LRP1B: variants seen among roughly 807,000 people sequenced by gnomAD.
LRP1B encodes the protein low-density lipoprotein receptor-related protein 1B.
Under a neutral mutation model 556.6 loss-of-function variants are expected in LRP1B, and 217 were observed. The ratio of observed to expected loss-of-function variants is 0.39; its 90% CI spans 0.35 to 0.44. The LOEUF (loss-of-function observed/expected upper bound fraction) is 0.44, where lower values mean the gene tolerates loss of function less well. Ranked by LOEUF, LRP1B falls within the 20% of genes least tolerant of loss-of-function variation. The pLI is 1.00. For synonymous variants in LRP1B, 2,047 were observed against 1,865.8 expected, an observed-to-expected ratio of 1.10 and a Z score of -2.50; for missense variants, 5,053 against 5,620.8, an observed-to-expected ratio of 0.90 and a Z score of 3.23.
chr2:141,319,299 G>GTTTTTTTTTTTTTTTTTT lies in LRP1B; in HGVS notation c.344-64659_344-64658insAAAAAAAAAAAAAAAAAA, dbSNP rs201761576. ...CATAATGTAGTCTCTAAAAAGCAGT[G>GTTTTTTTTTTTTTTTTTT]TTTTTTTGTTGTTTTTTTTTTTTTT... On this transcript the variant is annotated intron_variant, in intron 3 of 90. Transcript: ENST00000389484. Among the ~76,000 whole-genome samples, 40 of 80,460 alleles carry GTTTTTTTTTTTTTTTTTT rather than the reference G, an allele frequency of 5.0e-4. 8 individuals are homozygous for GTTTTTTTTTTTTTTTTTT. The highest frequency in any genetic ancestry group is 1.7e-3 in the African/African-American group (34 of 19,630). The allele number at this position is 80,460 out of a possible 152,430, so 52.8% of individuals were successfully genotyped here.
At chr2:140,655,381 C>G (rs1209408150) in intron 41 of LRP1B, among the ~76,000 whole-genome samples, 2 of 152,096 alleles carry the variant, frequency 1.3e-5, no homozygotes, top group African/African-American at 4.8e-5. Flanking sequence ...TTATAATTGT[C>G]ACAGATATAA....
intron 3 of LRP1B, among the ~76,000 whole-genome samples, chr2:141,343,598 C>A (rs996504966): frequency 6.6e-6 from 1 of 152,126 alleles, no homozygotes; most frequent in African/African-American, 2.4e-5. Context: ...AGAGCCAGAA[C>A]AGCATTTCAG....
intron 3 of LRP1B, among the ~76,000 whole-genome samples, chr2:141,454,210 G>A (rs74746018): frequency 0.012 from 1,793 of 152,234 alleles, 33 homozygotes; most frequent in African/African-American, 0.039. Flanking sequence ...CTATAATTTT[G>A]TACACCACTT....
chr2:141,013,399 T>A (rs1697811233), intron 14 of LRP1B, among the ~76,000 whole-genome samples, 157 bp downstream of exon 14: 1 of 152,030 alleles, frequency 6.6e-6, no homozygotes, highest in African/African-American at 2.4e-5. Flanking sequence ...AAAAGTAAAT[T>A]TCTATGATAA....
chr2:142,077,121 T>C (rs899969943), intron 1 of LRP1B, among the ~76,000 whole-genome samples: 2 of 152,120 alleles, frequency 1.3e-5, no homozygotes, highest in Non-Finnish European at 2.9e-5. Flanking sequence ...GTAACAATAA[T>C]GATAATAATA....
intron 7 of LRP1B, among the ~76,000 whole-genome samples, chr2:141,125,915 T>TGTGATTA (rs1553463761): frequency 6.7e-6 from 1 of 150,028 alleles, no homozygotes; most frequent in Non-Finnish European, 1.5e-5. Flanking sequence ...AGCAAAATTC[T>TGTGATTA]GTGATTGTTA....
chr2:140,886,347 T>C lies in LRP1B; in HGVS notation c.3767-12A>G. 1 of 1,476,636 alleles carries C rather than the reference T, an allele frequency of 6.8e-7. No homozygotes were observed. The highest frequency in any genetic ancestry group is 1.3e-5 in the South Asian group (1 of 75,622). 91.5% of individuals were successfully genotyped at this position (1,476,636 alleles called of 1,614,324 possible). A position where few individuals can be genotyped will look rare whatever the true frequency, so the allele number is the denominator to read the frequency against. On this transcript the variant is annotated splice_polypyrimidine_tract_variant and intron_variant, in intron 23 of 90. Transcript: ENST00000389484. ...TGCTTCAAAAGGATCTGAAATTAAATTTATTTTTAATAGGCTTATGAAAAT... is the reference window on the plus strand; with the variant it reads ...TGCTTCAAAAGGATCTGAAATTAAACTTATTTTTAATAGGCTTATGAAAAT...
chr2:140,840,784 T>C (rs1241376449), intron 30 of LRP1B, 134 bp downstream of exon 30: 4 of 590,742 alleles, frequency 6.8e-6, no homozygotes, highest in Admixed American at 3.6e-5. Flanking sequence ...TTTTACAGTT[T>C]CCATATTTAC....
chr2:141,256,437 C>G (rs953518176), intron 3 of LRP1B, among the ~76,000 whole-genome samples: 1 of 151,604 alleles, frequency 6.6e-6, no homozygotes, highest in East Asian at 1.9e-4. Flanking sequence ...AATTAATTCA[C>G]GGATTAAGTA....
chr2:141,923,080 CAG>C (rs1700232019), intron 1 of LRP1B, among the ~76,000 whole-genome samples: 1 of 151,922 alleles, frequency 6.6e-6, no homozygotes, highest in Non-Finnish European at 1.5e-5. Flanking sequence ...GCCTGGGTGA[CAG>C]AGTGAGACAC....
chr2:141,367,659 C>T (rs1196027396), intron 3 of LRP1B, among the ~76,000 whole-genome samples: 1 of 150,904 alleles, frequency 6.6e-6, no homozygotes, highest in Non-Finnish European at 1.5e-5. Context: ...ATTTTTTATA[C>T]TTTTAGTAGA....
At chr2:141,172,531 G>T (rs1453093133) in intron 7 of LRP1B, among the ~76,000 whole-genome samples, 1 of 151,922 alleles carries the variant, frequency 6.6e-6, no homozygotes, top group Non-Finnish European at 1.5e-5. Flanking sequence ...AAGAGAATTT[G>T]CTTTTAATCA....
chr2:140,871,070 A>G (rs1693113965), intron 25 of LRP1B, among the ~76,000 whole-genome samples: 1 of 152,176 alleles, frequency 6.6e-6, no homozygotes, highest in Admixed American at 6.6e-5. Flanking sequence ...ATAAATTAAA[A>G]CACTGACATT....
chr2:140,813,137 G>A (rs138341811), intron 32 of LRP1B, among the ~76,000 whole-genome samples: 1 of 151,904 alleles, frequency 6.6e-6, no homozygotes, highest in African/African-American at 2.4e-5. Flanking sequence ...TTCCCTAGAA[G>A]ATTGAATCAA....
chr2:141,130,616 T>G lies in LRP1B; in HGVS notation c.1013+57805A>C, dbSNP rs144072660. 3.8e-3 allele frequency among the ~76,000 whole-genome samples: 584 copies of G among 152,210 alleles called. 5 individuals are homozygous for G. Among genetic ancestry groups the G allele is most frequent in the African/African-American group, 0.013 (528 of 41,540 alleles). On this transcript the variant is annotated intron_variant, in intron 7 of 90. Transcript: ENST00000389484. Reference sequence around the variant, plus strand: ...ACAGAGTTGTACCCGTGTGAGATAATGTTTGTAAAAAGGTATTTGTGGAGC... The same window carrying G: ...ACAGAGTTGTACCCGTGTGAGATAAGGTTTGTAAAAAGGTATTTGTGGAGC...
rs549820341 is a variant in LRP1B at position 141,311,287 on chromosome 2, C to A, written c.344-56646G>T. 1.3e-4 allele frequency among the ~76,000 whole-genome samples: 20 copies of A among 152,186 alleles called. 1 individual carries two copies. Among genetic ancestry groups the A allele is most frequent in the African/African-American group, 4.8e-4 (20 of 41,522 alleles). On this transcript the variant is annotated intron_variant, in intron 3 of 90. Transcript: ENST00000389484. ...GTAATCTTTTTTCTCTAGAATGTAACCTTGAATGATGCCAACCTGAATTCT... is the reference window on the plus strand; with the variant it reads ...GTAATCTTTTTTCTCTAGAATGTAAACTTGAATGATGCCAACCTGAATTCT...
intron 89 of LRP1B, among the ~76,000 whole-genome samples, chr2:140,237,126 T>A (rs934233682): frequency 6.6e-6 from 1 of 150,992 alleles, no homozygotes; most frequent in Non-Finnish European, 1.5e-5. Flanking sequence ...ATTCCTCTTA[T>A]CTGACTGTGA....
At position 140,438,159 on chromosome 2, in the gene LRP1B, G is replaced by A. The variant is rs371417599; in HGVS notation, c.10414+4345C>T. ...AGCCTCCAGAGGAGCTGACACTGCA[G>A]GTGCTAATTTTTAAATATAATTTTT... On this transcript the variant is annotated intron_variant, in intron 66 of 90. Transcript: ENST00000389484. 1.1e-4 allele frequency among the ~76,000 whole-genome samples: 17 copies of A among 152,162 alleles called. 1 individual carries two copies. The highest frequency in any genetic ancestry group is 8.5e-4 in the Admixed American group (13 of 15,274).
At chr2:140,601,317 A>G (rs1222996304) in intron 42 of LRP1B, 133 bp downstream of exon 42, 1 of 769,780 alleles carries the variant, frequency 1.3e-6, no homozygotes, top group African/African-American at 1.8e-5. Flanking sequence ...TAAAAAAAAA[A>G]GTTTTATGAA....
Sources: allele counts gnomAD v4.1 joint callset (sites outside exome capture counted in the v4.1 genomes callset), GRCh38; gene constraint gnomAD v4.1.1; transcripts MANE v1.5; gene names NCBI Gene and HGNC (gene_info 2026-07-23, HGNC 2026-07-21).